Variants in PLCH1 observed in about 807,000 individuals in gnomAD.
The protein encoded by PLCH1 is phospholipase C eta 1.
A neutral mutation model predicts 126.7 loss-of-function variants in PLCH1; 60 were observed. The observed-to-expected ratio is 0.47, with a 90% CI of 0.38 to 0.59. PLCH1 has a LOEUF of 0.59. Among genes scored for constraint, PLCH1 ranks in the 20% least tolerant of loss-of-function variants. PLCH1 has a pLI of 0.00. For synonymous variants in PLCH1, 719 were observed against 734.9 expected (o/e 0.98, Z 0.35); for missense variants, 1,723 against 2,040.0 (o/e 0.84, Z 2.99).
intron 12 of PLCH1, among the ~76,000 whole-genome samples, chr3:155,511,873 G>C (rs531073724): frequency 6.6e-6 from 1 of 152,074 alleles, no homozygotes; most frequent in Non-Finnish European, 1.5e-5. Context: ...GTTGTGGTGG[G>C]CTCCACCCAG....
chr3:155,636,710 C>T (rs1353890654), intron 2 of PLCH1, among the ~76,000 whole-genome samples: 1 of 151,208 alleles, frequency 6.6e-6, no homozygotes, highest in Non-Finnish European at 1.5e-5. Flanking sequence ...CACGCCATTG[C>T]ACCCCAGCTT....
At chr3:155,453,127 G>A (rs961387650) in intron 21 of PLCH1, among the ~76,000 whole-genome samples, 2 of 152,140 alleles carry the variant, frequency 1.3e-5, no homozygotes, top group Admixed American at 1.3e-4. Flanking sequence ...TCAGGTGTAT[G>A]GAATTTTGCC....
chr3:155,701,971 T>C (rs1369615316), intron 2 of PLCH1, among the ~76,000 whole-genome samples: 1 of 152,250 alleles, frequency 6.6e-6, no homozygotes, highest in Non-Finnish European at 1.5e-5. Flanking sequence ...AGAATCATTG[T>C]TCTAATCGGA....
intron 8 of PLCH1, among the ~76,000 whole-genome samples, chr3:155,563,285 A>T (rs1431580172): frequency 6.6e-6 from 1 of 152,178 alleles, no homozygotes; most frequent in Non-Finnish European, 1.5e-5. Flanking sequence ...ACTCTTCATT[A>T]AGTTCAGACA....
chr3:155,483,276 C>T (rs2108017774), intron 22 of PLCH1: 1 of 1,061,856 alleles, frequency 9.4e-7, no homozygotes, highest in Non-Finnish European at 1.4e-6. Flanking sequence ...ATATCTATTA[C>T]ATCTGCTAAG....
intron 2 of PLCH1, among the ~76,000 whole-genome samples, chr3:155,607,490 G>A (rs930407069): frequency 6.6e-6 from 1 of 151,952 alleles, no homozygotes; most frequent in African/African-American, 2.4e-5. Context: ...ACCCAGGCTG[G>A]AGTGCACTGG....
rs556597534 is a variant in PLCH1 at position 155,466,033 on chromosome 3, C to A, written c.2938+19323G>T. Among the ~76,000 whole-genome samples the A allele has an allele frequency of 2.0e-5, 3 of 152,332 alleles. No individual in the cohort carries two copies. In the East Asian group the frequency reaches 5.8e-4, roughly 29 times the overall value. The stretch of plus-strand genomic sequence containing the variant: ...AGTTCCTGACTCCTGGAAGGCACCT[C>A]TGGGCCCACCTAGGGTCTATGAGAT... On this transcript the variant is annotated intron_variant, in intron 21 of 21. Coordinates refer to the PLCH1 transcript ENST00000494598.
intron 1 of PLCH1, chr3:155,743,584 T>G (rs1432146376): frequency 1.6e-5 from 7 of 450,520 alleles, no homozygotes; most frequent in South Asian, 1.1e-4. Flanking sequence ...CTGGCTTCTG[T>G]TAAGGCTTCT....
At chr3:155,710,210 A>G (rs958607735) in intron 1 of PLCH1, among the ~76,000 whole-genome samples, 1 of 152,056 alleles carries the variant, frequency 6.6e-6, no homozygotes, top group African/African-American at 2.4e-5. Flanking sequence ...GGCTGGTCTC[A>G]AACTCTTGGC....
intron 4 of PLCH1, among the ~76,000 whole-genome samples, chr3:155,586,424 C>T (rs775914486): frequency 2.6e-5 from 4 of 152,042 alleles, no homozygotes; most frequent in South Asian, 2.1e-4. Flanking sequence ...AGGGGGTTCC[C>T]GGCTGGGTGC....
chr3:155,566,459 C>T (rs517971), intron 7 of PLCH1, among the ~76,000 whole-genome samples: 74,000 of 150,220 alleles, frequency 0.49, 21,268 homozygotes, highest in Non-Finnish European at 0.65. Flanking sequence ...TGAACTCAAG[C>T]TATGCTTATG....
intron 2 of PLCH1, among the ~76,000 whole-genome samples, chr3:155,648,730 C>G (rs977188583): frequency 1.3e-5 from 2 of 152,114 alleles, no homozygotes; most frequent in African/African-American, 4.8e-5. Flanking sequence ...GCCCTAAGTA[C>G]CATGGTAAGG....
At chr3:155,743,208 G>T (rs1295648907) in intron 1 of PLCH1, 13 of 451,554 alleles carry the variant, frequency 2.9e-5, no homozygotes, top group South Asian at 2.0e-4. Context: ...GGATAGGGCT[G>T]TCAAGATTCA....
chr3:155,656,412 C>T (rs1035811077), intron 2 of PLCH1, among the ~76,000 whole-genome samples: 1 of 152,116 alleles, frequency 6.6e-6, no homozygotes, highest in African/African-American at 2.4e-5. Context: ...TGAATATTTA[C>T]ACACATATAA....
intron 2 of PLCH1, among the ~76,000 whole-genome samples, chr3:155,684,157 T>C (rs1054115781): frequency 2.6e-5 from 4 of 152,170 alleles, no homozygotes; most frequent in Admixed American, 2.0e-4. Flanking sequence ...GAGATACGCA[T>C]GGTCATCATA....
intron 3 of PLCH1, among the ~76,000 whole-genome samples, chr3:155,594,743 G>T (rs1162352695): frequency 6.6e-6 from 1 of 152,050 alleles, no homozygotes. Flanking sequence ...AATTCAGGAC[G>T]TGTTGAAATT....
chr3:155,602,953 A>G (rs1733926661), intron 2 of PLCH1, among the ~76,000 whole-genome samples: 1 of 152,210 alleles, frequency 6.6e-6, no homozygotes, highest in Admixed American at 6.5e-5. Flanking sequence ...AATCACTTCT[A>G]GCAGTAATAT....
intron 15 of PLCH1, among the ~76,000 whole-genome samples, chr3:155,496,689 A>G (rs1240650087): frequency 6.6e-6 from 1 of 152,172 alleles, no homozygotes; most frequent in Non-Finnish European, 1.5e-5. Context: ...TTCTGTAAGC[A>G]TTCAGTAACT....
At chr3:155,736,660 C>T (rs191667535) in intron 1 of PLCH1, among the ~76,000 whole-genome samples, 5 of 152,262 alleles carry the variant, frequency 3.3e-5, no homozygotes, top group Admixed American at 6.5e-5. Flanking sequence ...AAAACCTCTC[C>T]CGCCCTGTTA....
Sources: gnomAD v4.1 joint callset for allele counts (sites outside exome capture counted in the v4.1 genomes callset) on GRCh38, gnomAD v4.1.1 for gene constraint, MANE v1.5 for transcripts, NCBI Gene and HGNC (gene_info 2026-07-23, HGNC 2026-07-21) for gene names.